Variants in NHSL3 observed in about 807,000 individuals in gnomAD.
The protein encoded by NHSL3 is NHS-like protein 3.
At chr1:32,760,250 C>T in the NHSL3 span, among the ~76,000 whole-genome samples, 1 of 152,164 alleles carries the variant, frequency 6.6e-6, no homozygotes, top group African/African-American at 2.4e-5. Context: ...GCTGTGCCCT[C>T]CCCCTTCATT....
At chr1:32,750,617 C>T in the NHSL3 span, among the ~76,000 whole-genome samples, 1 of 151,934 alleles carries the variant, frequency 6.6e-6, no homozygotes, top group African/African-American at 2.4e-5. Context: ...AAGTGATTCT[C>T]CTGCCTCAGC....
the NHSL3 span, among the ~76,000 whole-genome samples, chr1:32,760,032 T>C: frequency 6.6e-6 from 1 of 152,252 alleles, no homozygotes; most frequent in Non-Finnish European, 1.5e-5. Flanking sequence ...TACATTCTGG[T>C]TTCTGCTTCT....
At chr1:32,771,954 C>G in the NHSL3 span, 6 of 1,605,336 alleles carry the variant, frequency 3.7e-6, 1 homozygote, top group Non-Finnish European at 5.1e-6. Flanking sequence ...CAGTGCCTGC[C>G]CCCTCCTCAG....
chr1:32,770,960 C>T, the NHSL3 span: 6 of 1,608,008 alleles, frequency 3.7e-6, no homozygotes, highest in South Asian at 5.5e-5. The surrounding 1 kb of genome is among the most constrained non-coding windows in gnomAD (Gnocchi z 8.3). Flanking sequence ...CCCACCCTCC[C>T]TCCCAAGGGC....
At chr1:32,769,814 TG>T in the NHSL3 span, 1 of 1,360,284 alleles carries the variant, frequency 7.4e-7, no homozygotes, top group Admixed American at 1.7e-5. Flanking sequence ...AGGGCAGTGG[TG>T]GGGTGGGTGG....
At chr1:32,764,965 G>A in the NHSL3 span, among the ~76,000 whole-genome samples, 12 of 152,276 alleles carry the variant, frequency 7.9e-5, no homozygotes, top group African/African-American at 1.9e-4. Context: ...CACTGACAGC[G>A]TGGGGCCAAT....
At chr1:32,770,068 G>C in the NHSL3 span, 1 of 1,563,560 alleles carries the variant, frequency 6.4e-7, no homozygotes, top group Non-Finnish European at 8.7e-7. The surrounding 1 kb of genome is among the most constrained non-coding windows in gnomAD (Gnocchi z 8.3). Context: ...GCGCCACATT[G>C]ACCGTGTCTA....
At chr1:32,758,020 A>C in the NHSL3 span, among the ~76,000 whole-genome samples, 1 of 152,176 alleles carries the variant, frequency 6.6e-6, no homozygotes, top group African/African-American at 2.4e-5. Context: ...TGGGAAGGGG[A>C]AATCAAGACT....
chr1:32,754,960 C>G, the NHSL3 span, among the ~76,000 whole-genome samples: 2 of 151,854 alleles, frequency 1.3e-5, no homozygotes, highest in Non-Finnish European at 2.9e-5. Context: ...CCGAGGTCGC[C>G]GCCGCATCTC....
At chr1:32,742,221 G>A in the NHSL3 span, 6 of 1,242,066 alleles carry the variant, frequency 4.8e-6, no homozygotes, top group Non-Finnish European at 5.0e-6. Flanking sequence ...CTGAGCGCGG[G>A]GGGGCGTCGA....
chr1:32,772,850 ATTTT>A, the NHSL3 span: 21 of 1,613,514 alleles, frequency 1.3e-5, no homozygotes, highest in Non-Finnish European at 1.7e-5. Flanking sequence ...AGTGTCTCTT[ATTTT>A]TCTCCCCCAG....
the NHSL3 span, among the ~76,000 whole-genome samples, chr1:32,753,297 C>T: frequency 1.5e-4 from 23 of 151,230 alleles, no homozygotes; most frequent in Non-Finnish European, 2.2e-4. Flanking sequence ...CCAGCCTGAA[C>T]AACATGGTGA....
the NHSL3 span, among the ~76,000 whole-genome samples, chr1:32,762,406 A>G: frequency 1.3e-5 from 2 of 150,254 alleles, no homozygotes; most frequent in African/African-American, 4.9e-5. Flanking sequence ...AGTCTCTGCT[A>G]TGTTTTTTAG....
the NHSL3 span, among the ~76,000 whole-genome samples, chr1:32,748,827 C>A: frequency 6.6e-6 from 1 of 152,232 alleles, no homozygotes; most frequent in Admixed American, 6.5e-5. Context: ...AAGAATGTGA[C>A]ATTTTGGCTT....
At chr1:32,768,491 A>G in the NHSL3 span, among the ~76,000 whole-genome samples, 1 of 152,106 alleles carries the variant, frequency 6.6e-6, no homozygotes, top group Non-Finnish European at 1.5e-5. Flanking sequence ...GCTGCTTGAG[A>G]GGCTGAGGCA....
At chr1:32,765,913 G>A in the NHSL3 span, 1 of 1,313,274 alleles carries the variant, frequency 7.6e-7, no homozygotes, top group Non-Finnish European at 1.1e-6. Flanking sequence ...AATCAAGGCT[G>A]GGCAAAAGTA....
chr1:32,755,471 TCTC>T, the NHSL3 span, among the ~76,000 whole-genome samples: 15 of 152,070 alleles, frequency 9.9e-5, no homozygotes, highest in African/African-American at 3.6e-4. Context: ...GTGGGGGACC[TCTC>T]CTCTCAATGA....
chr1:32,765,724 G>C, the NHSL3 span: 1 of 1,545,706 alleles, frequency 6.5e-7, no homozygotes, highest in African/African-American at 1.4e-5. Context: ...CTCTGCTCTG[G>C]AGAGGCAGGG....
chr1:32,750,347 G>T, the NHSL3 span, among the ~76,000 whole-genome samples: 2 of 152,138 alleles, frequency 1.3e-5, no homozygotes, highest in Non-Finnish European at 2.9e-5. Flanking sequence ...TGGAAGGGGC[G>T]ATAGAGACAG....
Sources: gnomAD v4.1 joint callset for allele counts (sites outside exome capture counted in the v4.1 genomes callset) on GRCh38, gnomAD v4.1.1 for gene constraint, Gnocchi (gnomAD v3.1) non-coding constraint, MANE v1.5 for transcripts, NCBI Gene and HGNC (gene_info 2026-07-23, HGNC 2026-07-21) for gene names.